The following ABCC4 variants were observed in gnomAD, a reference collection of about 807,000 sequenced individuals.
ABCC4 encodes the protein ATP-binding cassette sub-family C member 4.
In ABCC4, 102 loss-of-function variants were observed where a neutral mutation model predicts 168.5. The ratio of observed to expected loss-of-function variants is 0.61; its 90% CI spans 0.52 to 0.71. ABCC4 has a LOEUF of 0.71. ABCC4 is among the 30% of genes least tolerant of loss of function. The probability of loss-of-function intolerance (pLI) is 0.00; values close to 1 mark genes in which losing one functional copy is unlikely to be tolerated. For missense variants in ABCC4, 1,402 were observed against 1,605.8 expected (o/e 0.87, Z 2.17); for synonymous variants, 617 against 590.7 (o/e 1.04, Z -0.65).
intron 26 of ABCC4, among the ~76,000 whole-genome samples, chr13:95,054,557 AAC>A (rs1287731978): frequency 6.6e-6 from 1 of 152,026 alleles, no homozygotes; most frequent in Non-Finnish European, 1.5e-5. Context: ...TAAAAAAAAA[AAC>A]AACAAAAAAA....
chr13:95,104,055 T>C (rs1376965265), intron 20 of ABCC4, among the ~76,000 whole-genome samples: 1 of 152,140 alleles, frequency 6.6e-6, no homozygotes, highest in Admixed American at 6.5e-5. Flanking sequence ...TTGGCCAGCA[T>C]GGAAATAAGG....
chr13:95,182,285 T>A (rs930934602), intron 11 of ABCC4, among the ~76,000 whole-genome samples: 10 of 152,194 alleles, frequency 6.6e-5, no homozygotes, highest in African/African-American at 2.4e-4. Context: ...CCAAAGGGGT[T>A]TGTAGAGTCA....
chr13:95,206,917 C>T (rs2038799893), intron 7 of ABCC4, 136 bp from the exon 8 acceptor site: 1 of 977,364 alleles, frequency 1.0e-6, no homozygotes, highest in Admixed American at 2.2e-5. Flanking sequence ...TCCTGGGCAA[C>T]AACAACAAAA....
intron 20 of ABCC4, among the ~76,000 whole-genome samples, chr13:95,088,827 C>G (rs2034339392): frequency 6.6e-6 from 1 of 150,956 alleles, no homozygotes; most frequent in Non-Finnish European, 1.5e-5. Flanking sequence ...AAATTAAAAT[C>G]TGAGAAAAAT....
intron 29 of ABCC4, among the ~76,000 whole-genome samples, chr13:95,036,848 C>T (rs1436174902): frequency 2.0e-5 from 3 of 152,072 alleles, no homozygotes; most frequent in Admixed American, 2.0e-4. Context: ...CTTTGGGAGG[C>T]CAAGGCAGGT....
At chr13:95,025,641 G>A (rs2031502287) in intron 30 of ABCC4, among the ~76,000 whole-genome samples, 1 of 151,220 alleles carries the variant, frequency 6.6e-6, no homozygotes, top group Non-Finnish European at 1.5e-5. Flanking sequence ...GTTCGTTTTA[G>A]TCATAGGTGA....
At chr13:95,048,859 C>T (rs769848483) in intron 27 of ABCC4, among the ~76,000 whole-genome samples, 7 of 152,142 alleles carry the variant, frequency 4.6e-5, no homozygotes, top group Non-Finnish European at 8.8e-5. Context: ...GTTGTACCTA[C>T]TGTGTGATCT....
chr13:95,153,462 C>CGAGA (rs200103407), intron 19 of ABCC4, among the ~76,000 whole-genome samples: 2 of 151,882 alleles, frequency 1.3e-5, no homozygotes, highest in African/African-American at 4.8e-5. Context: ...TTACATATAT[C>CGAGA]GAGAGAGACA....
At chr13:95,198,848 T>TA (rs2038537025) in intron 8 of ABCC4, among the ~76,000 whole-genome samples, 1 of 152,072 alleles carries the variant, frequency 6.6e-6, no homozygotes, top group South Asian at 2.1e-4. Context: ...CTCAGCAAAC[T>TA]AACACAGGAA....
intron 3 of ABCC4, among the ~76,000 whole-genome samples, chr13:95,244,659 AAGAAAG>A (rs879576932): frequency 0.11 from 8,303 of 76,016 alleles, 1,715 homozygotes; most frequent in Non-Finnish European, 0.15. Flanking sequence ...GAAAGAAAGA[AAGAAAG>A]AAAGAAATCA....
chr13:95,128,296 T>A (rs2139444349), intron 19 of ABCC4, among the ~76,000 whole-genome samples: 1 of 152,298 alleles, frequency 6.6e-6, no homozygotes, highest in South Asian at 2.1e-4. Flanking sequence ...CTTGGCAGGA[T>A]CCTAGTTAAA....
chr13:95,062,938 T>C lies in ABCC4; in HGVS notation c.3211-79A>G, dbSNP rs1310608638. The C allele has an allele frequency of 3.3e-6, 5 of 1,507,114 alleles. No homozygotes were observed. The Admixed American group carries it at 7.1e-5, about 21-fold the overall frequency. The allele number at this position is 1,507,114 out of a possible 1,614,324, so 93.4% of individuals were successfully genotyped here. Reference sequence around the variant, plus strand: ...ATGCAGCAAAACTAGGAGAAAACTTTCGGTTTTTGAAGAAGAATTAAGGAC... The same window carrying C: ...ATGCAGCAAAACTAGGAGAAAACTTCCGGTTTTTGAAGAAGAATTAAGGAC... On this transcript the variant is annotated intron_variant, in intron 25 of 30. Coordinates refer to ENST00000645237, the MANE Select transcript of ABCC4 (RefSeq NM_005845.5).
chr13:95,145,547 C>G (rs1305460684), intron 19 of ABCC4, among the ~76,000 whole-genome samples: 4 of 151,040 alleles, frequency 2.6e-5, no homozygotes, highest in Non-Finnish European at 5.9e-5. Context: ...TCACTTGACT[C>G]CGGGAGGTGG....
At chr13:95,035,395 T>A (rs2032080260) in intron 29 of ABCC4, among the ~76,000 whole-genome samples, 1 of 152,224 alleles carries the variant, frequency 6.6e-6, no homozygotes, top group Non-Finnish European at 1.5e-5. Context: ...AGCTGTTACC[T>A]AAGCAGCTTT....
At chr13:95,271,825 T>C (rs1413785556) in intron 1 of ABCC4, among the ~76,000 whole-genome samples, 2 of 152,126 alleles carry the variant, frequency 1.3e-5, no homozygotes, top group Admixed American at 6.6e-5. Context: ...TAATCACCAT[T>C]AGCCAACAGC....
chr13:95,093,879 A>C (rs2034511486), intron 20 of ABCC4, among the ~76,000 whole-genome samples: 1 of 152,190 alleles, frequency 6.6e-6, no homozygotes, highest in Non-Finnish European at 1.5e-5. Context: ...CGCCAACAGG[A>C]ACCAAGTAGA....
intron 29 of ABCC4, among the ~76,000 whole-genome samples, chr13:95,041,360 G>T (rs1406175571): frequency 6.6e-6 from 1 of 152,204 alleles, no homozygotes; most frequent in Non-Finnish European, 1.5e-5. Flanking sequence ...GGTCGCAGTT[G>T]TTTCCCAACA....
intron 19 of ABCC4, among the ~76,000 whole-genome samples, chr13:95,147,856 G>C (rs566512751): frequency 3.3e-5 from 5 of 151,892 alleles, no homozygotes; most frequent in Non-Finnish European, 7.4e-5. Context: ...CCAGATGTTT[G>C]GTACTTACAT....
At chr13:95,281,618 G>A (rs919246986) in intron 1 of ABCC4, among the ~76,000 whole-genome samples, 1 of 152,104 alleles carries the variant, frequency 6.6e-6, no homozygotes, top group African/African-American at 2.4e-5. Flanking sequence ...GAAATATGAG[G>A]AAAAGAGGGA....
Sources: gnomAD v4.1 joint callset for allele counts (sites outside exome capture counted in the v4.1 genomes callset) on GRCh38, gnomAD v4.1.1 for gene constraint, MANE v1.5 for transcripts, NCBI Gene and HGNC (gene_info 2026-07-23, HGNC 2026-07-21) for gene names.